Variants in TMEM222 observed in about 807,000 individuals in gnomAD.
TMEM222 encodes chromosome 1 open reading frame 160.
In TMEM222, 18 loss-of-function variants were observed where a neutral mutation model predicts 25.1. The observed-to-expected ratio is 0.72, with a 90% CI of 0.50 to 1.06. The LOEUF is 1.06. Among genes scored for constraint, TMEM222 ranks in the 50% least tolerant of loss-of-function variants. The probability of loss-of-function intolerance (pLI) is 0.00; values close to 1 mark genes in which losing one functional copy is unlikely to be tolerated. For synonymous variants in TMEM222, 131 were observed against 117.9 expected (o/e 1.11, Z -0.72); for missense variants, 296 against 293.7 (o/e 1.01, Z -0.06).
chr1:27,326,211 C>T (rs1202932611), intron 1 of TMEM222, among the ~76,000 whole-genome samples: 2 of 152,172 alleles, frequency 1.3e-5, no homozygotes, highest in African/African-American at 4.8e-5. Flanking sequence ...CTGACAAGGG[C>T]TCCTGAACCA....
intron 2 of TMEM222, among the ~76,000 whole-genome samples, chr1:27,331,365 T>C (rs1283906861): frequency 6.6e-6 from 1 of 152,138 alleles, no homozygotes; most frequent in East Asian, 1.9e-4. Flanking sequence ...CCTGTTTATA[T>C]TAATAGTTGT....
At chr1:27,322,724 T>G (rs1001073219) in intron 1 of TMEM222, among the ~76,000 whole-genome samples, 12 of 152,176 alleles carry the variant, frequency 7.9e-5, no homozygotes, top group African/African-American at 2.7e-4. Context: ...ATTCACTGGT[T>G]TATTCTCTCA....
chr1:27,325,510 C>G (rs2014321010), intron 1 of TMEM222: 1 of 1,465,408 alleles, frequency 6.8e-7, no homozygotes, highest in African/African-American at 1.4e-5. Flanking sequence ...ACGTTCAACT[C>G]CATCATGAAG....
chr1:27,329,308 T>G (rs2014424919), intron 1 of TMEM222, among the ~76,000 whole-genome samples: 1 of 151,630 alleles, frequency 6.6e-6, no homozygotes, highest in Non-Finnish European at 1.5e-5. Flanking sequence ...TATCACACAC[T>G]CATGTAACCG....
rs1427549407 is a variant in TMEM222, at chr1:27,331,030, G to C, written c.279+226G>C. The C allele has an allele frequency of 1.2e-5, 18 of 1,440,458 alleles. No homozygotes were observed. The South Asian group carries it at 2.3e-4, about 18-fold the overall frequency. 89.2% of individuals were successfully genotyped at this position (1,440,458 alleles called of 1,614,324 possible). A position where few individuals can be genotyped will look rare whatever the true frequency, so the allele number is the denominator to read the frequency against. Reference sequence around the variant, plus strand: ...TGGCCAGAAGGATTCTTAAGTAACTGACCCAGCCCTTTGCCCCCACCCCTG... The same window carrying C: ...TGGCCAGAAGGATTCTTAAGTAACTCACCCAGCCCTTTGCCCCCACCCCTG... On this transcript the variant is annotated intron_variant, in intron 2 of 5. Transcript: ENST00000374076.
At chr1:27,327,420 GCT>G (rs1283309824) in intron 1 of TMEM222, among the ~76,000 whole-genome samples, 1 of 152,104 alleles carries the variant, frequency 6.6e-6, no homozygotes, top group Admixed American at 6.6e-5. Flanking sequence ...ACAGAGTCTT[GCT>G]CTGTCACCCA....
chr1:27,332,047 C>A, intron 2 of TMEM222, 23 bp from the exon 3 acceptor site: 1 of 1,614,162 alleles, frequency 6.2e-7, no homozygotes, highest in Non-Finnish European at 8.5e-7. Flanking sequence ...TCCTCACTGA[C>A]CTCTGCTTTT....
rs1175124992 is a variant in TMEM222 at position 27,333,991 on chromosome 1, T to C, written c.345T>C (p.Ala115=). 6.2e-7 allele frequency: 1 copy of C among 1,614,116 alleles called. No homozygotes were observed. The highest frequency in any genetic ancestry group is 1.1e-5 in the South Asian group (1 of 91,090). The part of the protein sequence containing the change: ...YWKLDPAQVY[A]SGPNAWDTAV... ...AGTTGGACCCTGCTCAGGTCTATGC[T>C]AGCGGGCCCAACGCATGGGACACGG... The change falls in exon 4 of 6, where the codon GCT becomes GCC. Residue 115 remains alanine (A), a synonymous_variant. Transcript: ENST00000374076.
In TMEM222 at chr1:27,335,666, C is replaced by T. The variant is rs1392458673; in HGVS notation, c.*200C>T. 3.3e-6 allele frequency: 2 copies of T among 600,180 alleles called. No individual in the cohort carries two copies. Among genetic ancestry groups the T allele is most frequent in the Non-Finnish European group, 3.0e-6 (1 of 336,216 alleles). The allele number at this position is 600,180 out of a possible 1,614,324, so 37.2% of individuals were successfully genotyped here. A position where few individuals can be genotyped will look rare whatever the true frequency, so the allele number is the denominator to read the frequency against. ...TTGTCTCCCTGCCTCTCAGAAGCAC[C>T]CTGTCCCCTCCTCCCCAGGCCTGTG... On this transcript the variant is annotated 3_prime_UTR_variant, in exon 6 of 6. Coordinates refer to ENST00000374076, the MANE Select transcript of TMEM222 (RefSeq NM_032125.3).
Position 27,335,739 on chromosome 1 carries a change from T to G in TMEM222, c.*273T>G. On this transcript the variant is annotated 3_prime_UTR_variant, in exon 6 of 6. Coordinates refer to ENST00000374076, the MANE Select transcript of TMEM222 (RefSeq NM_032125.3). ...TGTTCTTCTGTTGAAAGGCTTTGGC[T>G]TCCCGCTGTAGAGCTGCTCCCGCCA... The G allele has an allele frequency of 1.9e-6, 1 of 514,278 alleles. No individual in the cohort carries two copies. The highest frequency in any genetic ancestry group is 3.5e-6 in the Non-Finnish European group (1 of 283,634). 31.9% of individuals were successfully genotyped at this position (514,278 alleles called of 1,614,324 possible). A position where few individuals can be genotyped will look rare whatever the true frequency, so the allele number is the denominator to read the frequency against.
chr1:27,332,198 A>G lies in TMEM222; in HGVS notation c.311+97A>G. ...GGGCACAGGAGGGGCCAGCACCCTG[A>G]GAATAGAGTATTTGGGGTCGGGGGA... On this transcript the variant is annotated intron_variant, in intron 3 of 5. Coordinates refer to ENST00000374076, the MANE Select transcript of TMEM222 (RefSeq NM_032125.3). 1.2e-5 allele frequency: 17 copies of G among 1,435,578 alleles called. No individual in the cohort carries two copies. The South Asian group carries it at 1.8e-4, about 15-fold the overall frequency. 88.9% of individuals were successfully genotyped at this position (1,435,578 alleles called of 1,614,324 possible).
At chr1:27,334,504 C>G in intron 5 of TMEM222, 1 of 1,341,346 alleles carries the variant, frequency 7.5e-7, no homozygotes, top group Non-Finnish European at 1.0e-6. Flanking sequence ...AGCTCTGGCT[C>G]TTGCCTGCTG....
In TMEM222 at chr1:27,335,500, C is replaced by T; in HGVS notation, c.*34C>T. On this transcript the variant is annotated 3_prime_UTR_variant, in exon 6 of 6. Transcript: ENST00000374076. The stretch of plus-strand genomic sequence containing the variant: ...CGGTGGCCCCACACCCACCAGGGTC[C>T]CGAGGAAACAGCCGCCATCCCTTTT... 6.2e-7 allele frequency: 1 copy of T among 1,603,270 alleles called. No individual in the cohort carries two copies. The highest frequency in any genetic ancestry group is 8.5e-7 in the Non-Finnish European group (1 of 1,170,326).
intron 1 of TMEM222, among the ~76,000 whole-genome samples, chr1:27,329,503 A>G (rs905106776): frequency 2.0e-5 from 3 of 151,760 alleles, no homozygotes; most frequent in African/African-American, 7.3e-5. Context: ...TCCTTCATTC[A>G]CCCTTATGTC....
intron 1 of TMEM222, chr1:27,325,305 C>G (rs779295167): frequency 7.8e-6 from 5 of 641,976 alleles, no homozygotes; most frequent in African/African-American, 1.8e-5. Flanking sequence ...CATGCAGATT[C>G]GTGAAGCGTT....
At chr1:27,325,637 C>G in intron 1 of TMEM222, 1 of 858,266 alleles carries the variant, frequency 1.2e-6, no homozygotes, top group Admixed American at 1.7e-5. Flanking sequence ...TGGCATCCAG[C>G]ACCATGAAGA....
At chr1:27,332,262 A>T (rs1192363913) in intron 3 of TMEM222, 161 bp downstream of exon 3, 1 of 797,936 alleles carries the variant, frequency 1.3e-6, no homozygotes, top group African/African-American at 1.7e-5. Context: ...GCAACCCCAT[A>T]CAGAGTGTGT....
At chr1:27,332,823 A>C (rs2148017935) in intron 3 of TMEM222, 1 of 415,208 alleles carries the variant, frequency 2.4e-6, no homozygotes. Context: ...TCTCTGGGCC[A>C]CCAGGTGTTC....
rs765881449 is a variant in TMEM222, at chr1:27,334,208, C to G, written c.466C>G (p.Arg156Gly). 1 of 1,614,182 alleles carries G rather than the reference C, an allele frequency of 6.2e-7. No individual in the cohort carries two copies. Among genetic ancestry groups the G allele is most frequent in the South Asian group, 1.1e-5 (1 of 91,088 alleles). ...CGTGGCATTGGCCCTGAATCTGATG[C>G]GCTACAACAACAGCACCAACTGGAA... Reference protein sequence around the residue: ...SHVALALNLMRYNNSTNWNMV... With the variant: ...SHVALALNLMGYNNSTNWNMV... The change falls in exon 5 of 6, where the codon CGC (arginine) becomes GGC (glycine). Residue 156 changes from arginine (R) to glycine (G), a missense_variant. Physicochemically the swap from Arg to Gly is moderately radical, Grantham distance 125. Transcript: ENST00000374076.
Sources: gnomAD v4.1 joint callset for allele counts (sites outside exome capture counted in the v4.1 genomes callset) on GRCh38, gnomAD v4.1.1 for gene constraint, MANE v1.5 for transcripts, NCBI Gene and HGNC (gene_info 2026-07-23, HGNC 2026-07-21) for gene names.